ASH2L: variants seen among roughly 807,000 people sequenced by gnomAD.
ASH2L encodes ASH2 like, histone lysine methyltransferase complex subunit.
ASH2L carries 30 observed loss-of-function variants against 81.1 expected under a neutral mutation model. The observed-to-expected ratio is 0.37, with a 90% CI of 0.28 to 0.50. The LOEUF is 0.50. ASH2L is among the 20% of genes least tolerant of loss of function. The pLI is 0.95. For missense variants in ASH2L, 559 were observed against 792.1 expected, an observed-to-expected ratio of 0.71 and a Z score of 3.53; for synonymous variants, 273 against 279.9, an observed-to-expected ratio of 0.98 and a Z score of 0.24.
Position 38,135,736 on chromosome 8 carries a change from C to T in ASH2L, c.1689C>T (p.Phe563=). The T allele has an allele frequency of 6.2e-7, 1 of 1,612,944 alleles. No individual in the cohort carries two copies. The highest frequency in any genetic ancestry group is 8.5e-7 in the Non-Finnish European group (1 of 1,179,476). The change falls in exon 14 of 16, where the codon TTC becomes TTT. Residue 563 remains phenylalanine (F), a synonymous_variant. Coordinates refer to ENST00000343823, the MANE Select transcript of ASH2L (RefSeq NM_004674.5). ...AAGATATTTTTGAGGGGGTTTACTTCCCAGCCATCTCACTGTACAAGAGCT... is the reference window on the plus strand; with the variant it reads ...AAGATATTTTTGAGGGGGTTTACTTTCCAGCCATCTCACTGTACAAGAGCT... The part of the protein sequence containing the change: ...AYKDIFEGVY[F]PAISLYKSCT...
At chr8:38,129,757 A>G (rs556226333) in intron 12 of ASH2L, among the ~76,000 whole-genome samples, 7 of 152,104 alleles carry the variant, frequency 4.6e-5, no homozygotes, top group South Asian at 2.1e-4. Context: ...AGTCTTTTAT[A>G]TCTGGCTTTT....
intron 1 of ASH2L, 154 bp downstream of exon 1, chr8:38,105,892 C>T: frequency 6.9e-7 from 1 of 1,455,834 alleles, no homozygotes; most frequent in South Asian, 1.4e-5. Context: ...CGTCCCCTCT[C>T]AAGCATATCT....
intron 3 of ASH2L, 81 bp downstream of exon 3, chr8:38,107,247 A>G: frequency 1.3e-6 from 2 of 1,558,488 alleles, no homozygotes; most frequent in Non-Finnish European, 1.8e-6. Context: ...TGTGGGCAAA[A>G]TAAATGCAAA....
At chr8:38,128,603 G>C (rs901377517) in intron 11 of ASH2L, 145 bp downstream of exon 11, 6 of 1,451,612 alleles carry the variant, frequency 4.1e-6, no homozygotes, top group Non-Finnish European at 5.5e-6. Flanking sequence ...TGCTATTCCC[G>C]GGATATTTTT....
intron 3 of ASH2L, among the ~76,000 whole-genome samples, chr8:38,109,165 A>G (rs1270056011): frequency 2.0e-5 from 3 of 152,214 alleles, no homozygotes; most frequent in Non-Finnish European, 4.4e-5. Flanking sequence ...AGCAGGGTAT[A>G]AAAAAGGCTG....
chr8:38,105,982 C>A (rs987976339), intron 1 of ASH2L: 6 of 1,529,672 alleles, frequency 3.9e-6, no homozygotes, highest in Non-Finnish European at 5.2e-6. Context: ...TGCACCCTGG[C>A]AGGAAGCTGG....
chr8:38,137,870 A>G (rs776962179), intron 14 of ASH2L: 3 of 152,292 alleles, frequency 2.0e-5, no homozygotes, highest in Non-Finnish European at 4.4e-5. Flanking sequence ...CAATCAATTT[A>G]GAAGTTTATT....
chr8:38,128,220 TG>T, intron 10 of ASH2L, 70 bp from the exon 11 acceptor site: 1 of 1,563,046 alleles, frequency 6.4e-7, no homozygotes, highest in Non-Finnish European at 8.8e-7. Flanking sequence ...ATTGGACTAA[TG>T]TTTTTGTGGC....
At chr8:38,107,866 ATATGTGTGTG>A (rs1433315285) in intron 3 of ASH2L, among the ~76,000 whole-genome samples, 116 of 106,038 alleles carry the variant, frequency 1.1e-3, no homozygotes, top group Admixed American at 8.2e-3. Context: ...AGAAATACAT[ATATGTGTGTG>A]TGTGTGTGTG....
rs1187391059 is a variant in ASH2L at position 38,117,510 on chromosome 8, A to T, written c.853+785A>T. 3.0e-6 allele frequency: 3 copies of T among 984,132 alleles called. No homozygotes were observed. In the South Asian group the frequency reaches 1.4e-4, roughly 46 times the overall value. The allele number at this position is 984,132 out of a possible 1,614,324, so 61.0% of individuals were successfully genotyped here. On this transcript the variant is annotated intron_variant, in intron 8 of 15. Transcript: ENST00000343823. ...GTCTTCTTTCAGCCTCTCAGACTTA[A>T]GTATTTTGTGGTTTGGAAAATGCTT...
intron 10 of ASH2L, 43 bp from the exon 11 acceptor site, chr8:38,128,248 C>A (rs1801931583): frequency 3.7e-6 from 6 of 1,609,788 alleles, no homozygotes; most frequent in Non-Finnish European, 5.1e-6. Context: ...CCCCAAGAAC[C>A]TCAAATAAGT....
intron 8 of ASH2L, among the ~76,000 whole-genome samples, chr8:38,118,928 T>C (rs938602375): frequency 6.6e-6 from 1 of 152,212 alleles, no homozygotes; most frequent in African/African-American, 2.4e-5. Context: ...TCTTTTTAGC[T>C]GTGGGTGTTT....
intron 12 of ASH2L, among the ~76,000 whole-genome samples, chr8:38,133,047 A>G (rs895697839): frequency 2.4e-4 from 36 of 151,910 alleles, no homozygotes; most frequent in Admixed American, 2.0e-3. Flanking sequence ...AGATCACACC[A>G]TTGCACTCCA....
chr8:38,134,148 C>T (rs1323578776), intron 13 of ASH2L, among the ~76,000 whole-genome samples: 1 of 152,154 alleles, frequency 6.6e-6, no homozygotes, highest in Non-Finnish European at 1.5e-5. Flanking sequence ...GTCATCACCA[C>T]TCCCTAATCT....
chr8:38,110,617 G>C (rs1473426177), intron 4 of ASH2L, 122 bp from the exon 5 acceptor site: 3 of 1,126,218 alleles, frequency 2.7e-6, no homozygotes, highest in African/African-American at 1.5e-5. Context: ...CCCATTTCAG[G>C]TCACATGATG....
At position 38,125,557 on chromosome 8, in the gene ASH2L, GA is replaced by G. The variant is rs572515021; in HGVS notation, c.1166-2733del. 4.0e-3 allele frequency among the ~76,000 whole-genome samples: 599 copies of G among 151,134 alleles called. 5 individuals are homozygous for G. Among genetic ancestry groups the G allele is most frequent in the African/African-American group, 0.012 (506 of 41,100 alleles). ...TGGGAGGCGGAGGTTGCAGTGAGCC[GA>G]GATCGCGCCATTGCACTCCAGCCTG... On this transcript the variant is annotated intron_variant, in intron 10 of 15. Transcript: ENST00000343823.
rs1801948433 is a variant in ASH2L at position 38,128,658 on chromosome 8, T to C, written c.1334-100T>C. 7.2e-6 allele frequency: 11 copies of C among 1,534,858 alleles called. No individual in the cohort carries two copies. The Admixed American group carries it at 9.2e-5, about 13-fold the overall frequency. ...AAAGTTTTTAAGCAATTTTACAAAA[T>C]TGACCAAAAAACATAAAAAGAAATA... On this transcript the variant is annotated intron_variant, in intron 11 of 15. Coordinates refer to ENST00000343823, the MANE Select transcript of ASH2L (RefSeq NM_004674.5).
chr8:38,126,904 T>C (rs1040311181), intron 10 of ASH2L, among the ~76,000 whole-genome samples: 7 of 149,558 alleles, frequency 4.7e-5, no homozygotes, highest in Admixed American at 2.0e-4. Flanking sequence ...GGCCAGGTGC[T>C]GTGGCTCATT....
intron 3 of ASH2L, 58 bp downstream of exon 3, chr8:38,107,224 T>C: frequency 6.2e-6 from 10 of 1,600,128 alleles, no homozygotes; most frequent in Non-Finnish European, 7.7e-6. Context: ...CTGAACATGC[T>C]CAACAGTTAC....
Sources: allele counts gnomAD v4.1 joint callset (sites outside exome capture counted in the v4.1 genomes callset), GRCh38; gene constraint gnomAD v4.1.1; transcripts MANE v1.5; gene names NCBI Gene and HGNC (gene_info 2026-07-23, HGNC 2026-07-21).